Variants in CTNNA2 observed in about 807,000 individuals in gnomAD.
CTNNA2 encodes catenin alpha 2, also known as catenin alpha-2.
In CTNNA2, 42 loss-of-function variants were observed where a neutral mutation model predicts 101.0. That is an observed-to-expected ratio of 0.42 (90% CI 0.32 to 0.54). CTNNA2 has a LOEUF of 0.54. Among genes scored for constraint, CTNNA2 ranks in the 20% least tolerant of loss-of-function variants. The pLI is 0.14. For missense variants in CTNNA2, 871 were observed against 1,223.1 expected, an observed-to-expected ratio of 0.71 and a Z score of 4.29; for synonymous variants, 450 against 456.4, an observed-to-expected ratio of 0.99 and a Z score of 0.18.
chr2:79,582,832 A>T (rs528268201), intron 1 of CTNNA2, among the ~76,000 whole-genome samples: 8 of 152,286 alleles, frequency 5.3e-5, no homozygotes, highest in African/African-American at 1.9e-4. Context: ...TATGCAATCA[A>T]TGTAACCACT....
intron 7 of CTNNA2, among the ~76,000 whole-genome samples, chr2:80,314,616 A>T (rs1243027274): frequency 1.3e-5 from 2 of 152,198 alleles, no homozygotes; most frequent in Non-Finnish European, 2.9e-5. Context: ...GGTCAAGATC[A>T]CCAACAATGG....
chr2:80,357,153 C>T (rs1255367346), intron 7 of CTNNA2, among the ~76,000 whole-genome samples: 1 of 151,596 alleles, frequency 6.6e-6, no homozygotes, highest in Non-Finnish European at 1.5e-5. Context: ...TTAATGAGTC[C>T]ATGGTACCTG....
chr2:79,340,314 C>A (rs1368965), intron 3 of CTNNA2: 99,637 of 151,920 alleles, frequency 0.66, 32,695 homozygotes, highest in South Asian at 0.7. Context: ...GTCATGTGGT[C>A]CCCATCAGTA....
At chr2:79,552,529 A>T (rs144621600) in intron 1 of CTNNA2, among the ~76,000 whole-genome samples, 3 of 152,278 alleles carry the variant, frequency 2.0e-5, no homozygotes, top group African/African-American at 4.8e-5. Flanking sequence ...CTCCAGCCCC[A>T]CATTTCCTCT....
intron 7 of CTNNA2, among the ~76,000 whole-genome samples, chr2:79,937,695 A>G (rs1211126979): frequency 1.3e-5 from 2 of 152,236 alleles, no homozygotes; most frequent in African/African-American, 2.4e-5. Flanking sequence ...TGTTCCCTCT[A>G]TTAAAAAGGA....
intron 7 of CTNNA2, among the ~76,000 whole-genome samples, chr2:80,032,450 A>G (rs1695351582): frequency 6.6e-6 from 1 of 152,204 alleles, no homozygotes; most frequent in Admixed American, 6.5e-5. Flanking sequence ...TACAAAGGTA[A>G]AATTTCTATG....
intron 3 of CTNNA2, among the ~76,000 whole-genome samples, chr2:79,327,347 A>G (rs1676769467): frequency 2.0e-5 from 3 of 152,222 alleles, no homozygotes; most frequent in Admixed American, 1.3e-4. Context: ...ATCAGTTGCC[A>G]TAACCCTTGG....
intron 2 of CTNNA2, among the ~76,000 whole-genome samples, chr2:79,714,593 G>A (rs551872497): frequency 2.7e-5 from 4 of 150,920 alleles, no homozygotes; most frequent in African/African-American, 9.9e-5. Flanking sequence ...CTTTCACCCA[G>A]CTGAACTTCA....
intron 15 of CTNNA2, chr2:80,601,905 C>T (rs1430545662): frequency 6.6e-6 from 1 of 151,830 alleles, no homozygotes; most frequent in African/African-American, 2.4e-5. Flanking sequence ...TCTCTGAGCA[C>T]GTTACTTTAG....
chr2:80,138,214 C>T (rs567528853), intron 7 of CTNNA2, among the ~76,000 whole-genome samples: 1 of 152,186 alleles, frequency 6.6e-6, no homozygotes, highest in Admixed American at 6.5e-5. Flanking sequence ...TGATATGGCT[C>T]CTTTGCTTAA....
At chr2:79,649,945 C>T (rs1377262429) in intron 1 of CTNNA2, among the ~76,000 whole-genome samples, 1 of 151,938 alleles carries the variant, frequency 6.6e-6, no homozygotes, top group Non-Finnish European at 1.5e-5. Flanking sequence ...CGTGTTAATT[C>T]TAGTAGAAAT....
intron 7 of CTNNA2, among the ~76,000 whole-genome samples, chr2:79,979,702 T>C (rs1420406203): frequency 6.6e-6 from 1 of 151,454 alleles, no homozygotes; most frequent in East Asian, 1.9e-4. Context: ...AGTGAGAAAA[T>C]CCAGGAATGG....
chr2:79,187,561 G>A (rs1673797863), intron 1 of CTNNA2, among the ~76,000 whole-genome samples: 1 of 152,138 alleles, frequency 6.6e-6, no homozygotes, highest in Non-Finnish European at 1.5e-5. Context: ...TTTAGCATAT[G>A]AGAAGTTTTC....
intron 7 of CTNNA2, among the ~76,000 whole-genome samples, chr2:79,951,627 A>G (rs1688886213): frequency 6.6e-6 from 1 of 152,052 alleles, no homozygotes; most frequent in African/African-American, 2.4e-5. Flanking sequence ...ATTGTGCCAT[A>G]GTACTCTAGC....
intron 7 of CTNNA2, among the ~76,000 whole-genome samples, chr2:80,094,518 A>G (rs1264333613): frequency 6.6e-6 from 1 of 152,190 alleles, no homozygotes; most frequent in African/African-American, 2.4e-5. Flanking sequence ...TGAACTTTAA[A>G]GTAGTTTTTT....
At chr2:79,968,718 C>T (rs554032633) in intron 7 of CTNNA2, among the ~76,000 whole-genome samples, 1 of 152,174 alleles carries the variant, frequency 6.6e-6, no homozygotes, top group South Asian at 2.1e-4. Context: ...GGAAAAAATA[C>T]CTGTTTGACA....
intron 1 of CTNNA2, among the ~76,000 whole-genome samples, chr2:79,518,847 G>A (rs750663810): frequency 1.2e-4 from 18 of 151,938 alleles, no homozygotes; most frequent in Middle Eastern, 3.2e-3. Flanking sequence ...TTCTTCAGGC[G>A]TTGATAATTG....
chr2:80,148,627 C>A (rs1433542997), intron 7 of CTNNA2, among the ~76,000 whole-genome samples: 1 of 152,228 alleles, frequency 6.6e-6, no homozygotes, highest in Non-Finnish European at 1.5e-5. Context: ...TCTGGACGAG[C>A]ATAGTTTTCC....
chr2:79,390,663 A>G (rs1282105430), intron 4 of CTNNA2, among the ~76,000 whole-genome samples: 2 of 152,214 alleles, frequency 1.3e-5, no homozygotes, highest in African/African-American at 4.8e-5. Flanking sequence ...GCTATGCAGT[A>G]ACTAGCCCTG....
Sources: gnomAD v4.1 joint callset for allele counts (sites outside exome capture counted in the v4.1 genomes callset) on GRCh38, gnomAD v4.1.1 for gene constraint, MANE v1.5 for transcripts, NCBI Gene and HGNC (gene_info 2026-07-23, HGNC 2026-07-21) for gene names.